The following BCAR3 variants were observed in gnomAD, a reference collection of about 807,000 sequenced individuals.
BCAR3 encodes BCAR3 adaptor protein, NSP family member, also known as breast cancer anti-estrogen resistance protein 3.
Under a neutral mutation model 80.1 loss-of-function variants are expected in BCAR3, and 37 were observed. The ratio of observed to expected loss-of-function variants is 0.46; its 90% CI spans 0.36 to 0.61. The LOEUF is 0.61. BCAR3 is among the 20% of genes least tolerant of loss of function. The pLI is 0.00. For missense variants in BCAR3, 978 were observed against 1,068.2 expected (o/e 0.92, Z 1.18); for synonymous variants, 389 against 418.9 (o/e 0.93, Z 0.87).
intron 2 of BCAR3, among the ~76,000 whole-genome samples, chr1:93,842,752 C>T (rs1234659246): frequency 6.6e-6 from 1 of 152,150 alleles, no homozygotes; most frequent in Non-Finnish European, 1.5e-5. Flanking sequence ...GGCCTGGATC[C>T]TACCTTCCCA....
At chr1:93,750,415 T>C (rs1470361245) in intron 2 of BCAR3, among the ~76,000 whole-genome samples, 2 of 152,252 alleles carry the variant, frequency 1.3e-5, no homozygotes, top group African/African-American at 4.8e-5. Context: ...GAATGTGCTT[T>C]TGAAACTGTA....
chr1:93,637,164 G>A (rs934860324), intron 3 of BCAR3, among the ~76,000 whole-genome samples: 9 of 151,730 alleles, frequency 5.9e-5, no homozygotes, highest in African/African-American at 2.2e-4. Context: ...AGGGGAAGGA[G>A]AAAATGTAAA....
chr1:93,688,896 CAA>C (rs1258468085), intron 3 of BCAR3, among the ~76,000 whole-genome samples: 10 of 152,168 alleles, frequency 6.6e-5, no homozygotes, highest in Non-Finnish European at 1.5e-4. Flanking sequence ...CTTGGCCTCC[CAA>C]AGTGCTGGGA....
rs188797124 is a variant in BCAR3 at position 93,676,226 on chromosome 1, T to C, written c.-11-1285A>G. On this transcript the variant is annotated intron_variant, in intron 1 of 11. Coordinates refer to ENST00000260502, the MANE Select transcript of BCAR3 (RefSeq NM_003567.4). ...CAGTTCTACAAAGGAACTGCGGACT[T>C]GGGACGTGGTTTGAAGACAACCAAG... Among the ~76,000 whole-genome samples the C allele has an allele frequency of 3.9e-4, 60 of 152,294 alleles. 1 individual carries two copies. The East Asian group carries it at 0.011, about 28-fold the overall frequency.
intron 7 of BCAR3, among the ~76,000 whole-genome samples, chr1:93,580,200 TTTGGGGAGC>T (rs1306855813): frequency 6.6e-6 from 1 of 152,156 alleles, no homozygotes; most frequent in Non-Finnish European, 1.5e-5. Flanking sequence ...TCAAGCCTGT[TTTGGGGAGC>T]CCTCCATCAA....
chr1:93,763,489 G>C (rs1475960062), intron 2 of BCAR3, among the ~76,000 whole-genome samples: 1 of 152,174 alleles, frequency 6.6e-6, no homozygotes, highest in Non-Finnish European at 1.5e-5. Context: ...TCATAAAGGA[G>C]AACACTGAGG....
chr1:93,619,216 G>A (rs980758543), intron 3 of BCAR3, among the ~76,000 whole-genome samples: 1 of 151,898 alleles, frequency 6.6e-6, no homozygotes, highest in East Asian at 1.9e-4. Flanking sequence ...AAAGTGCTGG[G>A]ATTACAGGCG....
rs868600193 is a variant in BCAR3, at chr1:93,689,170, G to T, written c.-11-14229C>A. Among the ~76,000 whole-genome samples, 5 of 152,182 alleles carry T rather than the reference G, an allele frequency of 3.3e-5. No homozygotes were observed. The South Asian group carries it at 1.0e-3, about 32-fold the overall frequency. On this transcript the variant is annotated intron_variant, in intron 3 of 13. Transcript: ENST00000370244. ...CTGCAGCAGAGCTCCCAGTGCTGTGGGAACGCAGAGAAGGGAGAGATTAAA... is the reference window on the plus strand; with the variant it reads ...CTGCAGCAGAGCTCCCAGTGCTGTGTGAACGCAGAGAAGGGAGAGATTAAA...
At chr1:93,609,057 C>T (rs573811046) in intron 3 of BCAR3, among the ~76,000 whole-genome samples, 2 of 152,244 alleles carry the variant, frequency 1.3e-5, no homozygotes, top group South Asian at 4.1e-4. Flanking sequence ...CTCTGCTGCA[C>T]CACACACACG....
chr1:93,826,568 T>A (rs543062077), intron 2 of BCAR3, among the ~76,000 whole-genome samples: 1 of 152,226 alleles, frequency 6.6e-6, no homozygotes, highest in Non-Finnish European at 1.5e-5. Flanking sequence ...GCCTACCGTG[T>A]GCAGGAAGTG....
chr1:93,712,485 T>C (rs556967354), intron 2 of BCAR3, among the ~76,000 whole-genome samples: 1 of 152,354 alleles, frequency 6.6e-6, no homozygotes, highest in Non-Finnish European at 1.5e-5. Flanking sequence ...CCTCTGTTGC[T>C]CTGTCCTTCT....
chr1:93,745,404 G>C (rs1042469125), intron 2 of BCAR3, among the ~76,000 whole-genome samples: 4 of 152,210 alleles, frequency 2.6e-5, no homozygotes, highest in Non-Finnish European at 2.9e-5. Context: ...GAATTGCTTT[G>C]TCACAGGCCC....
At chr1:93,769,475 C>CTATG (rs569636084) in intron 2 of BCAR3, among the ~76,000 whole-genome samples, 1 of 150,226 alleles carries the variant, frequency 6.7e-6, no homozygotes, top group South Asian at 2.1e-4. Flanking sequence ...GTTAAAGAGG[C>CTATG]TATGATCTTC....
intron 9 of BCAR3, chr1:93,568,095 A>C: frequency 2.7e-6 from 1 of 376,810 alleles, no homozygotes; most frequent in South Asian, 2.6e-5. Context: ...TTGAGGCGGG[A>C]GAATTGCTTG....
chr1:93,677,789 G>T (rs1294957376), intron 1 of BCAR3, among the ~76,000 whole-genome samples: 1 of 152,104 alleles, frequency 6.6e-6, no homozygotes, highest in Admixed American at 6.5e-5. Flanking sequence ...CAAACAATTT[G>T]GTCTAAGAGG....
At chr1:93,671,121 T>C (rs1041250058) in intron 2 of BCAR3, among the ~76,000 whole-genome samples, 7 of 152,122 alleles carry the variant, frequency 4.6e-5, no homozygotes, top group African/African-American at 1.7e-4. Flanking sequence ...GTCTCCTAAG[T>C]AGCTGGGATT....
chr1:93,731,364 A>T (rs1206769915), intron 2 of BCAR3, among the ~76,000 whole-genome samples: 1 of 152,260 alleles, frequency 6.6e-6, no homozygotes, highest in Non-Finnish European at 1.5e-5. Context: ...AAACTGAGTG[A>T]GGATTCTATG....
At chr1:93,810,315 T>C (rs1227006829) in intron 2 of BCAR3, among the ~76,000 whole-genome samples, 2 of 152,186 alleles carry the variant, frequency 1.3e-5, no homozygotes, top group East Asian at 3.8e-4. Flanking sequence ...TACTATTTTA[T>C]TGTTACCACA....
intron 3 of BCAR3, among the ~76,000 whole-genome samples, chr1:93,632,888 G>A (rs931822126): frequency 2.0e-5 from 3 of 152,064 alleles, no homozygotes; most frequent in African/African-American, 7.2e-5. Flanking sequence ...GCGTGGTGGC[G>A]GGTGCCTATA....
Sources: gnomAD v4.1 joint callset for allele counts (sites outside exome capture counted in the v4.1 genomes callset) on GRCh38, gnomAD v4.1.1 for gene constraint, MANE v1.5 for transcripts, NCBI Gene and HGNC (gene_info 2026-07-23, HGNC 2026-07-21) for gene names.